The following ZFP28 variants were observed in gnomAD, a reference collection of about 807,000 sequenced individuals.
The protein encoded by ZFP28 is zinc finger protein 28 homolog.
A neutral mutation model predicts 39.5 loss-of-function variants in ZFP28; 31 were observed. That is an observed-to-expected ratio of 0.79 (90% confidence interval 0.59 to 1.06). The LOEUF is 1.06. ZFP28 is among the 50% of genes least tolerant of loss of function. The pLI, the probability that ZFP28 is intolerant of heterozygous loss-of-function variation, is 0.00. For synonymous variants in ZFP28, 400 were observed against 378.6 expected (o/e 1.06, Z -0.66); for missense variants, 925 against 1,048.4 (o/e 0.88, Z 1.63).
At chr19:56,539,284 G>C (rs1299587609) in intron 1 of ZFP28, 58 bp downstream of exon 1, 2 of 1,500,282 alleles carry the variant, frequency 1.3e-6, no homozygotes, top group African/African-American at 1.4e-5. Context: ...CTCGGGATGA[G>C]ATCTGGGAGG....
At chr19:56,544,044 C>T (rs1269920705) in intron 2 of ZFP28, among the ~76,000 whole-genome samples, 2 of 152,166 alleles carry the variant, frequency 1.3e-5, no homozygotes, top group Admixed American at 1.3e-4. Context: ...TTGGACCTGC[C>T]TCAAGCAGTT....
At chr19:56,546,813 C>CAA (rs1018663930) in intron 2 of ZFP28, 1 of 152,442 alleles carries the variant, frequency 6.6e-6, no homozygotes, top group African/African-American at 2.4e-5. Context: ...GTGCATAGAA[C>CAA]AAGTTAGTCT....
At position 56,547,725 on chromosome 19, in the gene ZFP28, G is replaced by T. The variant is rs1387603623; in HGVS notation, c.428-82G>T. 4 of 1,597,830 alleles carry T rather than the reference G, an allele frequency of 2.5e-6. No homozygotes were observed. Among genetic ancestry groups the T allele is most frequent in the South Asian group, 2.2e-5 (2 of 89,284 alleles). ...TGCCTTTATCACCCAGACCTGCACT[G>T]CCCTCTTGCGTCAAGCCAAGGGGAC... On this transcript the variant is annotated intron_variant, in intron 3 of 7. Transcript: ENST00000301318. The surrounding 1 kb of genome is among the most constrained non-coding windows in gnomAD (Gnocchi z 4.6).
chr19:56,542,537 G>A (rs1273628344), intron 2 of ZFP28, among the ~76,000 whole-genome samples: 1 of 152,196 alleles, frequency 6.6e-6, no homozygotes, highest in Non-Finnish European at 1.5e-5. Context: ...TTGTTCGAAG[G>A]TCAAATGTAT....
In ZFP28 at chr19:56,550,586, G is replaced by A. The variant is rs1392927240; in HGVS notation, c.879G>A (p.Leu293=). 4 of 1,614,014 alleles carry A rather than the reference G, an allele frequency of 2.5e-6. No homozygotes were observed. Among genetic ancestry groups the A allele is most frequent in the Non-Finnish European group, 3.4e-6 (4 of 1,180,040 alleles). Reference sequence around the variant, plus strand: ...AGCCCTGGATGGTGAAGCGAGAGCTGACAGGAAGCCTGTTCTCAGGTGAGT... The same window carrying A: ...AGCCCTGGATGGTGAAGCGAGAGCTAACAGGAAGCCTGTTCTCAGGTGAGT... ...EKEPWMVKRE[L]TGSLFSGQRS... Residue 293 remains leucine (L), a synonymous_variant, in exon 7 of 8, where the codon CTG becomes CTA. Coordinates refer to ENST00000301318, the MANE Select transcript of ZFP28 (RefSeq NM_020828.2).
intron 6 of ZFP28, 140 bp downstream of exon 6, chr19:56,550,321 G>A: frequency 2.1e-6 from 2 of 972,270 alleles, no homozygotes; most frequent in Non-Finnish European, 3.0e-6. Context: ...ATAAGAATTT[G>A]GCATTTGTAG....
rs2147959195 is a variant in ZFP28 at position 56,550,098 on chromosome 19, A to C, written c.719A>C (p.Asp240Ala). ...GLVTIKNLAV[D>A]FRQQLHPAQK... ...GTGACTATCAAAAACCTGGCTGTTG[A>C]CTTCCGCCAGCAGCTACACCCAGCT... The change falls in exon 6 of 8, where the codon GAC (aspartate) becomes GCC (alanine). Residue 240 changes from aspartate (D) to alanine (A), a missense_variant. Transcript: ENST00000301318. 6.2e-7 allele frequency: 1 copy of C among 1,612,860 alleles called. No individual in the cohort carries two copies. Among genetic ancestry groups the C allele is most frequent in the Non-Finnish European group, 8.5e-7 (1 of 1,179,586 alleles).
chr19:56,542,082 C>T (rs1254997012), intron 2 of ZFP28, among the ~76,000 whole-genome samples: 1 of 151,910 alleles, frequency 6.6e-6, no homozygotes, highest in Non-Finnish European at 1.5e-5. Context: ...CCAAAATTTG[C>T]ACTTATTCAT....
chr19:56,549,995 A>G, intron 5 of ZFP28, 72 bp from the exon 6 acceptor site: 4 of 1,272,274 alleles, frequency 3.1e-6, no homozygotes, highest in Non-Finnish European at 4.4e-6. Context: ...GTGTGGACAC[A>G]GTCCATCCCA....
At chr19:56,551,057 T>A (rs979991419) in intron 7 of ZFP28, 1 of 1,155,616 alleles carries the variant, frequency 8.7e-7, no homozygotes, top group Non-Finnish European at 1.1e-6. Flanking sequence ...ATGTAAGCCA[T>A]CAGTGAATTA....
At chr19:56,553,549 A>G (rs2044323192) in intron 7 of ZFP28, 135 bp from the exon 8 acceptor site, 4 of 1,189,738 alleles carry the variant, frequency 3.4e-6, no homozygotes, top group Non-Finnish European at 4.6e-6. Flanking sequence ...CCCTAAATGT[A>G]ATAGTTTTTA....
At position 56,547,314 on chromosome 19, in the gene ZFP28, C is replaced by T; in HGVS notation, c.301-194C>T. On this transcript the variant is annotated intron_variant, in intron 2 of 7. Coordinates refer to ENST00000301318, the MANE Select transcript of ZFP28 (RefSeq NM_020828.2). This position sits in a 1 kb window ranked among gnomAD's most constrained non-coding sequence, Gnocchi z 4.6. ...CCAGACAGATTGGGTTAGGGCCCCA[C>T]CCATATGACCTCATTTAACCCTAAT... 2.8e-6 allele frequency: 2 copies of T among 723,358 alleles called. No individual in the cohort carries two copies. The highest frequency in any genetic ancestry group is 4.4e-6 in the Non-Finnish European group (2 of 449,962). 44.8% of individuals were successfully genotyped at this position (723,358 alleles called of 1,614,324 possible).
At position 56,553,746 on chromosome 19, in the gene ZFP28, G is replaced by A. The variant is rs748441085; in HGVS notation, c.961G>A (p.Val321Ile). The A allele has an allele frequency of 2.5e-6, 4 of 1,613,958 alleles. No individual in the cohort carries two copies. Among genetic ancestry groups the A allele is most frequent in the East Asian group, 2.2e-5 (1 of 44,878 alleles). ...FPKQDSYAEG[V>I]TDRTSNTKLD... ...AAAGCAAGATTCATATGCTGAAGGG[G>A]TAACAGACAGAACCTCAAACACTAA... Residue 321 changes from valine (V) to isoleucine (I), a missense_variant, in exon 8 of 8, where the codon GTA becomes ATA. This residue lies in a region of ZFP28 where 556 missense variants were observed against 542.9 expected (regional missense o/e 1.02). Transcript: ENST00000301318.
In ZFP28 at chr19:56,547,935, A is replaced by G; in HGVS notation, c.523+33A>G. On this transcript the variant is annotated intron_variant, in intron 4 of 7. Transcript: ENST00000301318. The surrounding 1 kb of genome is among the most constrained non-coding windows in gnomAD (Gnocchi z 4.6). The stretch of plus-strand genomic sequence containing the variant: ...TGGGAGAACCAGGTAGGGTGAGGCC[A>G]CTGCTGGTCATAGTTCAGCTGACTC... 3.7e-6 allele frequency: 6 copies of G among 1,608,260 alleles called. No homozygotes were observed. Among genetic ancestry groups the G allele is most frequent in the Non-Finnish European group, 5.1e-6 (6 of 1,175,254 alleles).
chr19:56,548,601 A>G (rs906682417), intron 4 of ZFP28: 13 of 161,838 alleles, frequency 8.0e-5, no homozygotes, highest in Non-Finnish European at 5.4e-5. Context: ...CTTTCTCTTT[A>G]TATTAGACAT....
Position 56,539,834 on chromosome 19 carries a change from T to G in ZFP28, c.300+118T>G, listed in dbSNP as rs549660090. ...GACCTGTTTGGGCGCGGGTTTCTAT[T>G]TCTTCACGTTCTAGTGAAGTGATGG... is the stretch of plus-strand genomic sequence containing the variant. On this transcript the variant is annotated intron_variant, in intron 2 of 7. Coordinates refer to ENST00000301318, the MANE Select transcript of ZFP28 (RefSeq NM_020828.2). The G allele has an allele frequency of 1.0e-4, 86 of 854,354 alleles. No individual in the cohort carries two copies. The African/African-American group carries it at 1.3e-3, about 13-fold the overall frequency. 52.9% of individuals were successfully genotyped at this position (854,354 alleles called of 1,614,324 possible).
chr19:56,541,322 C>A (rs992958476), intron 2 of ZFP28, among the ~76,000 whole-genome samples: 7 of 134,036 alleles, frequency 5.2e-5, no homozygotes, highest in Non-Finnish European at 1.1e-4. Flanking sequence ...CCTGTCAGTT[C>A]TATTTGCAAA....
chr19:56,541,607 C>T (rs556843083), intron 2 of ZFP28, among the ~76,000 whole-genome samples: 2 of 152,284 alleles, frequency 1.3e-5, no homozygotes, highest in African/African-American at 4.8e-5. Flanking sequence ...CTTGTTACCC[C>T]TGACATCTAC....
chr19:56,539,279 G>A (rs12981980), intron 1 of ZFP28, 53 bp downstream of exon 1: 379,272 of 1,515,044 alleles, frequency 0.25, 49,297 homozygotes, highest in Middle Eastern at 0.29. Context: ...TTCATCTCGG[G>A]ATGAGATCTG....
Sources: gnomAD v4.1 joint callset for allele counts (sites outside exome capture counted in the v4.1 genomes callset) on GRCh38, gnomAD v4.1.1 for gene constraint, gnomAD v4.1.1 regional missense constraint, Gnocchi (gnomAD v3.1) non-coding constraint, MANE v1.5 for transcripts, NCBI Gene and HGNC (gene_info 2026-07-23, HGNC 2026-07-21) for gene names.